The following FBRSL1 variants were observed in gnomAD, a reference collection of about 807,000 sequenced individuals.
FBRSL1 encodes the protein fibrosin like 1.
Under a neutral mutation model 89.6 loss-of-function variants are expected in FBRSL1, and 51 were observed. The ratio of observed to expected loss-of-function variants is 0.57; its 90% CI spans 0.45 to 0.72. The LOEUF is 0.72. Ranked by LOEUF, FBRSL1 falls within the 30% of genes least tolerant of loss-of-function variation. The pLI, the probability that FBRSL1 is intolerant of heterozygous loss-of-function variation, is 0.00. For missense variants in FBRSL1, 1,618 were observed against 1,451.8 expected, an observed-to-expected ratio of 1.11 and a Z score of -1.86; for synonymous variants, 779 against 681.1, an observed-to-expected ratio of 1.14 and a Z score of -2.24.
chr12:132,530,718 G>A (rs1028966571), intron 4 of FBRSL1, among the ~76,000 whole-genome samples: 2 of 143,500 alleles, frequency 1.4e-5, no homozygotes, highest in African/African-American at 5.1e-5. Flanking sequence ...CGGGGTGGGG[G>A]GTGGGGCTGG....
intron 1 of FBRSL1, 56 bp downstream of exon 1, chr12:132,490,917 GACGC>G (rs2030780811): frequency 8.7e-7 from 1 of 1,147,400 alleles, no homozygotes; most frequent in Non-Finnish European, 1.1e-6. Flanking sequence ...GCCCGGAGTT[GACGC>G]GTCGGGCGAT....
chr12:132,502,600 G>A (rs1009141568), intron 1 of FBRSL1, among the ~76,000 whole-genome samples: 3 of 152,032 alleles, frequency 2.0e-5, no homozygotes, highest in African/African-American at 2.4e-5. Context: ...CCTATCAGAC[G>A]GTTCTCCAGG....
rs527297517 is a variant in FBRSL1, at chr12:132,562,889, C to T, written c.646-4592C>T. ...AATCCACACCTGGTCTTCTCTGATACGTTGATGGTTTTTCACTTCTATGTT... is the reference window on the plus strand; with the variant it reads ...AATCCACACCTGGTCTTCTCTGATATGTTGATGGTTTTTCACTTCTATGTT... On this transcript the variant is annotated intron_variant, in intron 5 of 18. Transcript: ENST00000680143. 4.6e-5 allele frequency among the ~76,000 whole-genome samples: 7 copies of T among 152,202 alleles called. No homozygotes were observed. In the South Asian group the frequency reaches 1.0e-3, roughly 23 times the overall value.
At position 132,510,094 on chromosome 12, in the gene FBRSL1, C is replaced by T. The variant is rs576049571; in HGVS notation, c.489+1744C>T. 9.3e-4 allele frequency: 1,145 copies of T among 1,225,472 alleles called. No individual in the cohort carries two copies. The highest frequency in any genetic ancestry group is 1.1e-3 in the Non-Finnish European group (1,072 of 982,866). The allele number at this position is 1,225,472 out of a possible 1,614,324, so 75.9% of individuals were successfully genotyped here. On this transcript the variant is annotated intron_variant, in intron 2 of 18. Coordinates refer to ENST00000680143, the MANE Select transcript of FBRSL1 (RefSeq NM_001367871.1). ...GGACGGCCGAGGCAGCAGAAGCAGC[C>T]GCTCATGGGCCCGGAGCAGCCCTGC...
At chr12:132,574,616 G>T in intron 14 of FBRSL1, 52 bp downstream of exon 14, 1 of 1,530,040 alleles carries the variant, frequency 6.5e-7, no homozygotes, top group South Asian at 1.2e-5. Flanking sequence ...CTCCAGCCTG[G>T]TCGGGCCCTG....
At chr12:132,571,265 G>C (rs370956654) in intron 9 of FBRSL1, 34 bp downstream of exon 9, 2 of 1,482,790 alleles carry the variant, frequency 1.3e-6, no homozygotes, top group African/African-American at 2.8e-5. Context: ...GGGAGCCCGC[G>C]GCCAACGTGC....
chr12:132,578,516 C>CT (rs2040531726), intron 15 of FBRSL1, among the ~76,000 whole-genome samples: 5 of 152,160 alleles, frequency 3.3e-5, no homozygotes, highest in African/African-American at 1.2e-4. Context: ...AAATCTGTGT[C>CT]TAAGTGGCCC....
intron 15 of FBRSL1, among the ~76,000 whole-genome samples, chr12:132,577,875 A>G (rs35826119): frequency 6.6e-6 from 1 of 152,194 alleles, no homozygotes; most frequent in East Asian, 1.9e-4. Flanking sequence ...ATGGTGTCTC[A>G]GCCTGCACGG....
At chr12:132,491,330 C>T (rs1025657794) in intron 1 of FBRSL1, among the ~76,000 whole-genome samples, 2 of 152,204 alleles carry the variant, frequency 1.3e-5, no homozygotes, top group African/African-American at 4.8e-5. Context: ...ATCTCAAGAC[C>T]CCTCTTGGTG....
chr12:132,493,997 A>G (rs773775157), intron 1 of FBRSL1, among the ~76,000 whole-genome samples: 7 of 145,554 alleles, frequency 4.8e-5, no homozygotes, highest in Non-Finnish European at 9.1e-5. Context: ...GAGGACCTGC[A>G]GAGGGGCGTG....
chr12:132,531,427 G>A (rs543909683), intron 4 of FBRSL1, among the ~76,000 whole-genome samples: 7 of 152,244 alleles, frequency 4.6e-5, no homozygotes, highest in African/African-American at 1.7e-4. Context: ...GTGCGTGTGG[G>A]CAGGTCTGTG....
intron 4 of FBRSL1, among the ~76,000 whole-genome samples, chr12:132,533,191 C>G (rs1456636696): frequency 6.6e-6 from 1 of 150,698 alleles, no homozygotes; most frequent in Non-Finnish European, 1.5e-5. Context: ...CAGCCTCTCC[C>G]TGGAGTCAGA....
intron 1 of FBRSL1, among the ~76,000 whole-genome samples, chr12:132,492,026 C>T (rs1454681919): frequency 1.3e-5 from 2 of 152,250 alleles, no homozygotes; most frequent in African/African-American, 2.4e-5. Flanking sequence ...TTGCTCTGTG[C>T]TGGGACGGGA....
Position 132,582,058 on chromosome 12 carries a change from C to G in FBRSL1, c.1997-4C>G. 1 of 1,544,710 alleles carries G rather than the reference C, an allele frequency of 6.5e-7. No homozygotes were observed. Among genetic ancestry groups the G allele is most frequent in the Non-Finnish European group, 8.7e-7 (1 of 1,143,770 alleles). On this transcript the variant is annotated splice_region_variant and splice_polypyrimidine_tract_variant and intron_variant, in intron 17 of 18. Coordinates refer to ENST00000680143, the MANE Select transcript of FBRSL1 (RefSeq NM_001367871.1). ...ACCTCATGCTCCCCGGCCTCTGCCC[C>G]CAGCTCCCGGTGGCAGCATCTTTGC...
chr12:132,527,409 C>T (rs2035874242), intron 3 of FBRSL1, among the ~76,000 whole-genome samples: 1 of 152,220 alleles, frequency 6.6e-6, no homozygotes, highest in Non-Finnish European at 1.5e-5. Context: ...TGCAGGGGAG[C>T]CTCAGACTGG....
At chr12:132,510,333 C>T (rs2034192262) in intron 2 of FBRSL1, 10 of 1,230,630 alleles carry the variant, frequency 8.1e-6, no homozygotes, top group South Asian at 8.2e-5. Context: ...CCGTCAGCCC[C>T]GGCTCTCGCT....
Position 132,570,475 on chromosome 12 carries a change from C to T in FBRSL1, c.1148C>T (p.Pro383Leu), listed in dbSNP as rs2039933625. The T allele has an allele frequency of 8.5e-6, 13 of 1,531,602 alleles. No individual in the cohort carries two copies. The highest frequency in any genetic ancestry group is 1.4e-5 in the African/African-American group (1 of 72,506). The allele number at this position is 1,531,602 out of a possible 1,614,324, so 94.9% of individuals were successfully genotyped here. Reference sequence around the variant, plus strand: ...CTCCACGCGGCCATGTTTGCCGCACCCCCGACACTGCCCCCGCCCCCGGCG... The same window carrying T: ...CTCCACGCGGCCATGTTTGCCGCACTCCCGACACTGCCCCCGCCCCCGGCG... ...HQLHAAMFAA[P>L]PTLPPPPALP... Residue 383 changes from proline (P) to leucine (L), a missense_variant, in exon 8 of 19, where the codon CCC becomes CTC. By Grantham distance (98) the Pro-to-Leu change is moderately conservative. Transcript: ENST00000680143.
At chr12:132,565,432 TAC>T (rs568443995) in intron 5 of FBRSL1, 2 of 152,068 alleles carry the variant, frequency 1.3e-5, no homozygotes, top group Non-Finnish European at 2.9e-5. Flanking sequence ...GCCACCCAGG[TAC>T]ACACACCCGA....
At chr12:132,494,140 C>G (rs1485364568) in intron 1 of FBRSL1, among the ~76,000 whole-genome samples, 1 of 152,176 alleles carries the variant, frequency 6.6e-6, no homozygotes, top group Non-Finnish European at 1.5e-5. Flanking sequence ...CTGGCCTCTC[C>G]CCTGCTCTTG....
Sources: gnomAD v4.1 joint callset for allele counts (sites outside exome capture counted in the v4.1 genomes callset) on GRCh38, gnomAD v4.1.1 for gene constraint, MANE v1.5 for transcripts, NCBI Gene and HGNC (gene_info 2026-07-23, HGNC 2026-07-21) for gene names.